The following CMC1 variants were observed in gnomAD, a reference collection of about 807,000 sequenced individuals.
CMC1 encodes COX assembly mitochondrial protein homolog.
A neutral mutation model predicts 14.1 loss-of-function variants in CMC1; 14 were observed. The ratio of observed to expected loss-of-function variants is 0.99; its 90% CI spans 0.66 to 1.55. CMC1 has a LOEUF of 1.55. CMC1 is among the 40% of genes most tolerant of loss of function. The pLI, the probability that CMC1 is intolerant of heterozygous loss-of-function variation, is 0.00. For missense variants in CMC1, 127 were observed against 123.8 expected, an observed-to-expected ratio of 1.03 and a Z score of -0.12; for synonymous variants, 50 against 38.4, an observed-to-expected ratio of 1.30 and a Z score of -1.12.
At chr3:28,259,643 GT>G (rs1260763004) in intron 1 of CMC1, among the ~76,000 whole-genome samples, 2 of 151,918 alleles carry the variant, frequency 1.3e-5, no homozygotes, top group African/African-American at 2.4e-5. Flanking sequence ...GTTTCTAGAA[GT>G]TTTTTTCTTT....
intron 2 of CMC1, among the ~76,000 whole-genome samples, chr3:28,267,735 C>T (rs1227645423): frequency 1.3e-5 from 2 of 152,078 alleles, no homozygotes; most frequent in Admixed American, 1.3e-4. Flanking sequence ...TGTGAAATTC[C>T]AAAGATAAGT....
At chr3:28,306,160 G>T (rs1702295599) in intron 2 of CMC1, among the ~76,000 whole-genome samples, 1 of 151,956 alleles carries the variant, frequency 6.6e-6, no homozygotes, top group East Asian at 1.9e-4. Flanking sequence ...GATTACTTTG[G>T]CTATTTGGGC....
At position 28,254,225 on chromosome 3, in the gene CMC1, A is replaced by T. The variant is rs75864566; in HGVS notation, c.20-9066A>T. Among the ~76,000 whole-genome samples the T allele has an allele frequency of 7.1e-4, 108 of 152,340 alleles. 2 individuals carry two copies. In the East Asian group the frequency reaches 0.02, roughly 29 times the overall value. On this transcript the variant is annotated intron_variant, in intron 1 of 3. Coordinates refer to ENST00000466830, the MANE Select transcript of CMC1 (RefSeq NM_182523.2). ...ACCTCTGTACAAATGTATAACATAT[A>T]TACACCAGATTGAGATTAAGAGAAT...
intron 2 of CMC1, chr3:28,298,472 A>T (rs1701861794): frequency 6.7e-6 from 1 of 148,838 alleles, no homozygotes; most frequent in Non-Finnish European, 1.5e-5. Flanking sequence ...TATAAAGTAT[A>T]CATATTACAT....
At chr3:28,294,146 A>G (rs893718177) in intron 2 of CMC1, among the ~76,000 whole-genome samples, 2 of 152,186 alleles carry the variant, frequency 1.3e-5, no homozygotes, top group African/African-American at 2.4e-5. Flanking sequence ...CATCTGTTCT[A>G]CTATAACTTC....
At chr3:28,302,190 A>G (rs1371929340) in intron 2 of CMC1, among the ~76,000 whole-genome samples, 3 of 152,180 alleles carry the variant, frequency 2.0e-5, no homozygotes. Context: ...AAAAAGTCCA[A>G]CAGGTTCGTT....
At chr3:28,263,093 C>T in intron 1 of CMC1, 198 bp from the exon 2 acceptor site, 1 of 500,080 alleles carries the variant, frequency 2.0e-6, no homozygotes, top group Admixed American at 4.1e-5. Flanking sequence ...TTGTATTCCT[C>T]ACATTTTTGT....
chr3:28,322,823 TAGAAG>T lies in CMC1; in HGVS notation c.*3198_*3202del, dbSNP rs1703228240. On this transcript the variant is annotated 3_prime_UTR_variant, in exon 4 of 4. Coordinates refer to ENST00000466830, the MANE Select transcript of CMC1 (RefSeq NM_182523.2). ...GTATGTATGCTATTCAGTAATACAG[TAGAAG>T]AGATCTGAGATATTGAGTTCAAGAT... The T allele has an allele frequency of 6.6e-6, 1 of 151,396 alleles. No homozygotes were observed. The highest frequency in any genetic ancestry group is 2.1e-4 in the South Asian group (1 of 4,828). 9.4% of individuals were successfully genotyped at this position (151,396 alleles called of 1,614,324 possible). A position where few individuals can be genotyped will look rare whatever the true frequency, so the allele number is the denominator to read the frequency against.
chr3:28,258,489 T>C (rs1003673824), intron 1 of CMC1, among the ~76,000 whole-genome samples: 5 of 139,620 alleles, frequency 3.6e-5, no homozygotes, highest in African/African-American at 1.4e-4. Context: ...AGGGTTTAGC[T>C]TTTTTTTTTT....
At chr3:28,268,731 A>G (rs1413568314) in intron 2 of CMC1, among the ~76,000 whole-genome samples, 3 of 152,248 alleles carry the variant, frequency 2.0e-5, no homozygotes, top group African/African-American at 4.8e-5. Context: ...GCACATGGAC[A>G]TAATAAAAGT....
chr3:28,270,183 A>C (rs1260957050), intron 2 of CMC1, among the ~76,000 whole-genome samples: 1 of 152,130 alleles, frequency 6.6e-6, no homozygotes, highest in Non-Finnish European at 1.5e-5. Flanking sequence ...GGCTGATTCC[A>C]TGTCTTTGCT....
intron 1 of CMC1, among the ~76,000 whole-genome samples, chr3:28,244,289 CA>C (rs1321692992): frequency 1.3e-5 from 2 of 152,082 alleles, no homozygotes; most frequent in Non-Finnish European, 2.9e-5. Context: ...AGAAGGGAGA[CA>C]GGTTAAGGGA....
intron 2 of CMC1, among the ~76,000 whole-genome samples, chr3:28,279,482 A>G (rs558967828): frequency 6.0e-4 from 91 of 152,332 alleles, no homozygotes; most frequent in South Asian, 1.9e-3. Flanking sequence ...AAAGAAATCA[A>G]TGGACTAACT....
chr3:28,274,132 ATGATGCT>A (rs1559414976), intron 2 of CMC1, among the ~76,000 whole-genome samples: 166 of 150,608 alleles, frequency 1.1e-3, no homozygotes, highest in Middle Eastern at 6.9e-3. Context: ...TCCTGCCATC[ATGATGCT>A]AACTGGTTAT....
chr3:28,313,167 T>G (rs570284004), intron 2 of CMC1, among the ~76,000 whole-genome samples: 1 of 152,136 alleles, frequency 6.6e-6, no homozygotes, highest in Non-Finnish European at 1.5e-5. Context: ...CAAAGAATAT[T>G]TTTACCAATA....
At chr3:28,258,571 A>C (rs1699550225) in intron 1 of CMC1, among the ~76,000 whole-genome samples, 1 of 144,210 alleles carries the variant, frequency 6.9e-6, no homozygotes, top group Non-Finnish European at 1.5e-5. Flanking sequence ...GCCTTGGTGC[A>C]TTTGCCAATA....
intron 1 of CMC1, among the ~76,000 whole-genome samples, chr3:28,258,484 T>G (rs1170331620): frequency 6.6e-6 from 1 of 151,416 alleles, no homozygotes; most frequent in Non-Finnish European, 1.5e-5. Flanking sequence ...GTCAAAGGGT[T>G]TAGCTTTTTT....
At chr3:28,309,919 T>C (rs560866616) in intron 2 of CMC1, among the ~76,000 whole-genome samples, 71 of 135,272 alleles carry the variant, frequency 5.2e-4, no homozygotes, top group Non-Finnish European at 8.1e-4. Context: ...GTACATGCCT[T>C]TTCTCCTCCA....
chr3:28,324,266 A>G lies in CMC1; in HGVS notation c.*4637A>G, dbSNP rs751878278. On this transcript the variant is annotated 3_prime_UTR_variant, in exon 4 of 4. Coordinates refer to ENST00000466830, the MANE Select transcript of CMC1 (RefSeq NM_182523.2). ...GGAATGGATCTCTCATTGTCTGTCCATGATTGGAGGATTGCTTTCTCTGAT... is the reference window on the plus strand; with the variant it reads ...GGAATGGATCTCTCATTGTCTGTCCGTGATTGGAGGATTGCTTTCTCTGAT... 16 of 1,609,494 alleles carry G rather than the reference A, an allele frequency of 9.9e-6. No individual in the cohort carries two copies. The highest frequency in any genetic ancestry group is 1.4e-5 in the Non-Finnish European group (16 of 1,176,910).
Sources: gnomAD v4.1 joint callset for allele counts (sites outside exome capture counted in the v4.1 genomes callset) on GRCh38, gnomAD v4.1.1 for gene constraint, MANE v1.5 for transcripts, NCBI Gene and HGNC (gene_info 2026-07-23, HGNC 2026-07-21) for gene names.